The following BMERB1 variants were observed in gnomAD, a reference collection of about 807,000 sequenced individuals.
BMERB1 encodes the protein bMERB domain containing 1.
In BMERB1, 12 loss-of-function variants were observed where a neutral mutation model predicts 23.6. The observed-to-expected ratio is 0.51, with a 90% CI of 0.33 to 0.82. BMERB1 has a LOEUF of 0.82. Among genes scored for constraint, BMERB1 ranks in the 40% least tolerant of loss-of-function variants. The pLI is 0.03. For missense variants in BMERB1, 247 were observed against 255.4 expected (o/e 0.97, Z 0.22); for synonymous variants, 122 against 96.6 (o/e 1.26, Z -1.54).
At chr16:15,444,137 T>TTTTTTTTTTTTTTTTTTG (rs2050969181) in intron 1 of BMERB1, among the ~76,000 whole-genome samples, 1 of 131,314 alleles carries the variant, frequency 7.6e-6, no homozygotes, top group Non-Finnish European at 1.6e-5. Context: ...TTTTTTTTTT[T>TTTTTTTTTTTTTTTTTTG]TTTTTTTTTT....
chr16:15,531,630 G>A (rs2051968574), intron 2 of BMERB1, among the ~76,000 whole-genome samples: 1 of 152,110 alleles, frequency 6.6e-6, no homozygotes, highest in African/African-American at 2.4e-5. Context: ...ATCCTGTGCC[G>A]GGTTCTCATC....
chr16:15,457,571 C>T (rs1293109289), intron 1 of BMERB1, among the ~76,000 whole-genome samples: 1 of 152,142 alleles, frequency 6.6e-6, no homozygotes, highest in East Asian at 1.9e-4. Context: ...GTGTTTGTAG[C>T]TTCCTCTCCC....
At chr16:15,517,877 GTGTGGATGTGTGT>G (rs2051787421) in intron 2 of BMERB1, among the ~76,000 whole-genome samples, 1 of 130,412 alleles carries the variant, frequency 7.7e-6, no homozygotes, top group African/African-American at 4.4e-5. Context: ...GTGTGTGGGT[GTGTGGATGTGTGT>G]GTGTGGATCT....
At chr16:15,497,099 A>G (rs2051480588) in intron 1 of BMERB1, among the ~76,000 whole-genome samples, 1 of 152,140 alleles carries the variant, frequency 6.6e-6, no homozygotes, top group African/African-American at 2.4e-5. Context: ...TGTTACCAAA[A>G]CACCAGGGGA....
chr16:15,539,092 A>G (rs1202963156), intron 2 of BMERB1, among the ~76,000 whole-genome samples: 1 of 152,168 alleles, frequency 6.6e-6, no homozygotes, highest in Non-Finnish European at 1.5e-5. Context: ...CTATAATGAA[A>G]TAATTATACA....
At chr16:15,483,610 C>CCAA (rs2051342724) in intron 1 of BMERB1, among the ~76,000 whole-genome samples, 1 of 152,114 alleles carries the variant, frequency 6.6e-6, no homozygotes, top group South Asian at 2.1e-4. Context: ...GAACTCTTGA[C>CCAA]CTCAGGTGAT....
chr16:15,435,507 G>A (rs1420213521), intron 1 of BMERB1, among the ~76,000 whole-genome samples: 1 of 152,192 alleles, frequency 6.6e-6, no homozygotes, highest in Non-Finnish European at 1.5e-5. Flanking sequence ...CCCTCAAAGT[G>A]TAGAGGCAGC....
chr16:15,491,620 TC>T (rs2051421322), intron 1 of BMERB1, among the ~76,000 whole-genome samples: 3 of 152,118 alleles, frequency 2.0e-5, no homozygotes, highest in Admixed American at 6.5e-5. Flanking sequence ...CCCCTTCCCT[TC>T]CTCATTTTGC....
At chr16:15,551,666 G>C (rs2030095567) in intron 2 of BMERB1, among the ~76,000 whole-genome samples, 1 of 151,896 alleles carries the variant, frequency 6.6e-6, no homozygotes, top group African/African-American at 2.4e-5. Context: ...GTACCAGTCT[G>C]TTCTGACACT....
At chr16:15,515,212 GCAGAGCAAGGCTGTGCCCTGGAACCATGT>G (rs1275035585) in intron 1 of BMERB1, 64 bp from the exon 2 acceptor site, 162 of 1,561,192 alleles carry the variant, frequency 1.0e-4, no homozygotes, top group Non-Finnish European at 1.2e-4. Context: ...TATGATGGTC[GCAGAGCAAGGCTGTGCCCTGGAACCATGT>G]CAGGGTCTGT....
chr16:15,586,790 C>G lies in BMERB1; in HGVS notation c.576C>G (p.Ile192Met), dbSNP rs376264564. 6.2e-7 allele frequency: 1 copy of G among 1,611,782 alleles called. No individual in the cohort carries two copies. Among genetic ancestry groups the G allele is most frequent in the African/African-American group, 1.3e-5 (1 of 75,034 alleles). Reference sequence around the variant, plus strand: ...TGGCCAAGACGGGGCTGGCACTGATCAAGGATTGTTGCGGGGCCACCCAGT... The same window carrying G: ...TGGCCAAGACGGGGCTGGCACTGATGAAGGATTGTTGCGGGGCCACCCAGT... ...PTVAKTGLAL[I>M]KDCCGATQCN... Residue 192 changes from isoleucine (I) to methionine (M), a missense_variant, in exon 6 of 6, where the codon ATC becomes ATG. Physicochemically the swap from Ile to Met is conservative, Grantham distance 10. Coordinates refer to ENST00000300006, the MANE Select transcript of BMERB1 (RefSeq NM_033201.3).
chr16:15,555,293 C>T (rs1040004483), intron 2 of BMERB1, among the ~76,000 whole-genome samples: 2 of 152,064 alleles, frequency 1.3e-5, no homozygotes, highest in African/African-American at 4.8e-5. Context: ...AGGCTAATCT[C>T]GAACTCCTGG....
chr16:15,476,650 G>A (rs538845311), intron 1 of BMERB1, among the ~76,000 whole-genome samples: 1 of 152,362 alleles, frequency 6.6e-6, no homozygotes, highest in Non-Finnish European at 1.5e-5. Flanking sequence ...ACACCAGGGT[G>A]AGAAGGAAAG....
Position 15,504,445 on chromosome 16 carries a change from A to ATT in BMERB1, c.107-10845_107-10844dup, listed in dbSNP as rs796282260. 5.6e-5 allele frequency among the ~76,000 whole-genome samples: 8 copies of ATT among 143,736 alleles called. No individual in the cohort carries two copies. The East Asian group carries it at 8.0e-4, about 14-fold the overall frequency. 94.3% of individuals were successfully genotyped at this position (143,736 alleles called of 152,430 possible). ...TTATGCTCTTTGCAACTCTTCTTAA[A>ATT]TTTTTTTTTTTTTTTTATTAAAGAT... On this transcript the variant is annotated intron_variant, in intron 1 of 5. Coordinates refer to ENST00000300006, the MANE Select transcript of BMERB1 (RefSeq NM_033201.3).
intron 3 of BMERB1, among the ~76,000 whole-genome samples, chr16:15,573,961 C>A (rs1208613480): frequency 7.4e-6 from 1 of 134,794 alleles, no homozygotes; most frequent in East Asian, 2.2e-4. Flanking sequence ...TCTCATGGAA[C>A]TCACTCACTA....
At chr16:15,492,633 T>C (rs2051432110) in intron 1 of BMERB1, among the ~76,000 whole-genome samples, 3 of 152,120 alleles carry the variant, frequency 2.0e-5, no homozygotes, top group Admixed American at 1.3e-4. Flanking sequence ...GTGATGAGAA[T>C]GGTGGCCGGG....
intron 1 of BMERB1, among the ~76,000 whole-genome samples, chr16:15,501,900 G>T (rs1226002223): frequency 4.6e-5 from 7 of 152,236 alleles, no homozygotes; most frequent in Non-Finnish European, 1.0e-4. Context: ...GGGATTACAG[G>T]CATGTGCCTC....
At chr16:15,529,185 C>T (rs942629291) in intron 2 of BMERB1, among the ~76,000 whole-genome samples, 3 of 152,038 alleles carry the variant, frequency 2.0e-5, no homozygotes, top group African/African-American at 2.4e-5. Flanking sequence ...CCACCACGCC[C>T]GGCTAACTTT....
At chr16:15,444,221 G>C (rs1451417288) in intron 1 of BMERB1, among the ~76,000 whole-genome samples, 1 of 147,362 alleles carries the variant, frequency 6.8e-6, no homozygotes, top group African/African-American at 2.5e-5. Flanking sequence ...GGGCTTGGGG[G>C]TTGGTTGGAA....
Sources: gnomAD v4.1 joint callset for allele counts (sites outside exome capture counted in the v4.1 genomes callset) on GRCh38, gnomAD v4.1.1 for gene constraint, MANE v1.5 for transcripts, NCBI Gene and HGNC (gene_info 2026-07-23, HGNC 2026-07-21) for gene names.